The following CSMD3 variants were observed in gnomAD, a reference collection of about 807,000 sequenced individuals.
CSMD3 encodes CUB and Sushi multiple domains 3, also known as CUB and sushi domain-containing protein 3.
A neutral mutation model predicts 435.2 loss-of-function variants in CSMD3; 177 were observed. The ratio of observed to expected loss-of-function variants is 0.41; its 90% CI spans 0.36 to 0.46. CSMD3 has a LOEUF of 0.46. CSMD3 is among the 20% of genes least tolerant of loss of function. The probability of loss-of-function intolerance (pLI) is 0.34; values close to 1 mark genes in which losing one functional copy is unlikely to be tolerated. For synonymous variants in CSMD3, 1,656 were observed against 1,520.5 expected, an observed-to-expected ratio of 1.09 and a Z score of -2.07; for missense variants, 4,265 against 4,504.6, an observed-to-expected ratio of 0.95 and a Z score of 1.52.
chr8:112,690,883 A>T (rs1042289299), intron 13 of CSMD3, among the ~76,000 whole-genome samples: 7 of 152,178 alleles, frequency 4.6e-5, no homozygotes, highest in African/African-American at 1.7e-4. Flanking sequence ...ATAGTAAAAA[A>T]AAATACAAAT....
At chr8:113,053,634 C>T (rs1487573439) in intron 5 of CSMD3, among the ~76,000 whole-genome samples, 1 of 151,898 alleles carries the variant, frequency 6.6e-6, no homozygotes. Flanking sequence ...TTATAATTTT[C>T]ACAAATTTTT....
At chr8:112,249,303 T>A (rs1403224935) in intron 63 of CSMD3, among the ~76,000 whole-genome samples, 1 of 152,044 alleles carries the variant, frequency 6.6e-6, no homozygotes, top group Non-Finnish European at 1.5e-5. Flanking sequence ...ATCTTTTCCA[T>A]AGGCTTTGGT....
intron 32 of CSMD3, among the ~76,000 whole-genome samples, chr8:112,453,508 T>G (rs62516474): frequency 6.6e-6 from 1 of 151,700 alleles, no homozygotes; most frequent in East Asian, 1.9e-4. Context: ...GAAATAACAT[T>G]TACAATAGCC....
At chr8:112,525,755 T>C (rs1362602928) in intron 27 of CSMD3, among the ~76,000 whole-genome samples, 2 of 141,202 alleles carry the variant, frequency 1.4e-5, no homozygotes, top group Admixed American at 1.4e-4. Flanking sequence ...TATATACATA[T>C]ATATATATAT....
intron 5 of CSMD3, among the ~76,000 whole-genome samples, chr8:113,085,284 A>C (rs1259787416): frequency 6.6e-6 from 1 of 152,088 alleles, no homozygotes; most frequent in African/African-American, 2.4e-5. Flanking sequence ...AGGGGGGCAA[A>C]GATCTAAATA....
At chr8:112,916,588 T>C (rs1204645770) in intron 10 of CSMD3, among the ~76,000 whole-genome samples, 1 of 151,948 alleles carries the variant, frequency 6.6e-6, no homozygotes, top group Non-Finnish European at 1.5e-5. Context: ...TCATTTCATC[T>C]GTAAGAATGT....
intron 6 of CSMD3, among the ~76,000 whole-genome samples, chr8:112,993,713 G>C (rs1409899766): frequency 6.6e-6 from 1 of 151,744 alleles, no homozygotes; most frequent in Non-Finnish European, 1.5e-5. Context: ...ATAATAGAGA[G>C]TGACTGGTAC....
At chr8:112,657,391 A>T (rs1054183361) in intron 17 of CSMD3, among the ~76,000 whole-genome samples, 2 of 152,110 alleles carry the variant, frequency 1.3e-5, no homozygotes, top group Non-Finnish European at 2.9e-5. Flanking sequence ...GTATTACATT[A>T]TCTTAAATTA....
intron 35 of CSMD3, among the ~76,000 whole-genome samples, chr8:112,394,987 T>C (rs1830746108): frequency 6.6e-6 from 1 of 152,238 alleles, no homozygotes; most frequent in African/African-American, 2.4e-5. Context: ...TTATCATTCC[T>C]GCATCATTCC....
chr8:113,272,802 G>A (rs1267942378), intron 3 of CSMD3, among the ~76,000 whole-genome samples: 1 of 152,008 alleles, frequency 6.6e-6, no homozygotes, highest in African/African-American at 2.4e-5. Context: ...CTTATATATT[G>A]TAAAACATAT....
chr8:112,731,108 A>T (rs2077064038), intron 13 of CSMD3, among the ~76,000 whole-genome samples: 1 of 152,020 alleles, frequency 6.6e-6, no homozygotes, highest in African/African-American at 2.4e-5. Flanking sequence ...TGTTATTATT[A>T]TTGTTTTTGT....
chr8:112,857,777 A>G (rs1355861709), intron 11 of CSMD3, among the ~76,000 whole-genome samples: 1 of 151,746 alleles, frequency 6.6e-6, no homozygotes, highest in Non-Finnish European at 1.5e-5. Flanking sequence ...AACTACTGAG[A>G]ATAGTGTACG....
At chr8:112,482,599 T>G (rs1296647165) in intron 31 of CSMD3, among the ~76,000 whole-genome samples, 1 of 152,172 alleles carries the variant, frequency 6.6e-6, no homozygotes, top group Non-Finnish European at 1.5e-5. Context: ...GGAAGATAAT[T>G]TCTTAAAAGA....
At chr8:113,145,710 C>A (rs537228645) in intron 4 of CSMD3, among the ~76,000 whole-genome samples, 82 of 151,304 alleles carry the variant, frequency 5.4e-4, no homozygotes, top group Non-Finnish European at 8.9e-4. Flanking sequence ...TTAATTTCTG[C>A]CTTGTTTTGT....
At chr8:113,373,496 G>A (rs1012830884) in intron 1 of CSMD3, among the ~76,000 whole-genome samples, 7 of 151,446 alleles carry the variant, frequency 4.6e-5, no homozygotes, top group African/African-American at 1.5e-4. Context: ...GTATATAAAT[G>A]CACACAGCCC....
At chr8:112,450,395 A>G (rs16883613) in intron 32 of CSMD3, among the ~76,000 whole-genome samples, 2,671 of 152,338 alleles carry the variant, frequency 0.018, 80 homozygotes, top group African/African-American at 0.061. Context: ...GGTTTTAAAA[A>G]TCTTCAGATG....
Position 112,603,685 on chromosome 8 carries a change from C to T in CSMD3, c.3716-16450G>A, listed in dbSNP as rs142015935. Among the ~76,000 whole-genome samples, 257 of 152,166 alleles carry T rather than the reference C, an allele frequency of 1.7e-3. 3 individuals carry two copies. Among genetic ancestry groups the T allele is most frequent in the African/African-American group, 6.0e-3 (247 of 41,508 alleles). On this transcript the variant is annotated intron_variant, in intron 22 of 70. Coordinates refer to ENST00000297405, the MANE Select transcript of CSMD3 (RefSeq NM_198123.2). The stretch of plus-strand genomic sequence containing the variant: ...GACTGATGTATACATATATTTTATG[C>T]ATTCATGACATATCTAAGTTTTTCT...
At chr8:112,576,835 C>CATATATATATAT (rs5894088) in intron 23 of CSMD3, among the ~76,000 whole-genome samples, 81 of 71,606 alleles carry the variant, frequency 1.1e-3, no homozygotes, top group African/African-American at 2.7e-3. Context: ...AGGCAGCATA[C>CATATATATATAT]ATATATATAT....
At chr8:113,023,907 A>G (rs1009836536) in intron 5 of CSMD3, among the ~76,000 whole-genome samples, 1 of 152,142 alleles carries the variant, frequency 6.6e-6, no homozygotes, top group Non-Finnish European at 1.5e-5. Context: ...TCAAACATTT[A>G]TGATTTCTTT....
Sources: gnomAD v4.1 joint callset for allele counts (sites outside exome capture counted in the v4.1 genomes callset) on GRCh38, gnomAD v4.1.1 for gene constraint, MANE v1.5 for transcripts, NCBI Gene and HGNC (gene_info 2026-07-23, HGNC 2026-07-21) for gene names.